The following MYH11 variants were observed in gnomAD, a reference collection of about 807,000 sequenced individuals.
MYH11 encodes myosin-11.
MYH11 carries 80 observed loss-of-function variants against 246.6 expected under a neutral mutation model. That is an observed-to-expected ratio of 0.32 (90% confidence interval 0.27 to 0.39). The LOEUF is 0.39. Among genes scored for constraint, MYH11 ranks in the 10% least tolerant of loss-of-function variants. MYH11 has a pLI of 1.00. For missense variants in MYH11, 2,158 were observed against 2,546.8 expected, an observed-to-expected ratio of 0.85 and a Z score of 3.29; for synonymous variants, 1,071 against 1,015.5, an observed-to-expected ratio of 1.05 and a Z score of -1.04.
At chr16:15,794,434 C>G (rs1183782174) in intron 4 of MYH11, among the ~76,000 whole-genome samples, 1 of 152,200 alleles carries the variant, frequency 6.6e-6, no homozygotes, top group African/African-American at 2.4e-5. Flanking sequence ...TCTGGGCTGA[C>G]TGGATGCATT....
chr16:15,771,588 G>A lies in MYH11; in HGVS notation c.1014C>T (p.Phe338=), dbSNP rs2042102465. The A allele has an allele frequency of 1.2e-6, 2 of 1,613,914 alleles. No homozygotes were observed. The highest frequency in any genetic ancestry group is 1.3e-5 in the African/African-American group (1 of 74,936). ...ETVEAMAIMG[F]SEEEQLSILK... ...GCTTACATAGCTGCTCCTCCTCGCT[G>A]AAACCCATGATTGCCATGGCCTCCA... The change falls in exon 9 of 41, where the codon TTC becomes TTT. Residue 338 remains phenylalanine, a synonymous_variant. Transcript: ENST00000300036.
rs2043211447 is a variant in MYH11, at chr16:15,814,411, G to A, written c.502+8844C>T. Among the ~76,000 whole-genome samples the A allele has an allele frequency of 2.0e-5, 3 of 151,618 alleles. No homozygotes were observed. In the South Asian group the frequency reaches 6.3e-4, roughly 32 times the overall value. ...CTATTTAAAATACAAAAATTAGCCG[G>A]GTGTGGTGGCGGATGCCTGTAATCC... On this transcript the variant is annotated intron_variant, in intron 3 of 40. Coordinates refer to ENST00000300036, the MANE Select transcript of MYH11 (RefSeq NM_002474.3).
chr16:15,725,865 C>T (rs2040727427), intron 28 of MYH11: 1 of 394,630 alleles, frequency 2.5e-6, no homozygotes, highest in Admixed American at 4.4e-5. Flanking sequence ...TTCACATTGC[C>T]CAGAGTAAGG....
At chr16:15,746,624 G>A (rs577101269) in intron 19 of MYH11, among the ~76,000 whole-genome samples, 2 of 152,202 alleles carry the variant, frequency 1.3e-5, no homozygotes, top group South Asian at 2.1e-4. Flanking sequence ...ACCTGTCCCT[G>A]CAGTCCCTGG....
intron 24 of MYH11, 135 bp downstream of exon 24, chr16:15,738,430 T>G: frequency 1.3e-6 from 1 of 785,316 alleles, no homozygotes; most frequent in Non-Finnish European, 2.0e-6. Context: ...GGAGGATCAC[T>G]GGAGCTTAGG....
rs2041235262 is a variant in MYH11, at chr16:15,740,245, G to A, written c.2860-57C>T. ...TGGTTATAACAGATTTACTCTCGTG[G>A]TGATCTGGGGACTAATGAATACAGG... is the stretch of plus-strand genomic sequence containing the variant. On this transcript the variant is annotated intron_variant, in intron 22 of 40. Coordinates refer to ENST00000300036, the MANE Select transcript of MYH11 (RefSeq NM_002474.3). 6 of 1,611,594 alleles carry A rather than the reference G, an allele frequency of 3.7e-6. No homozygotes were observed. The South Asian group carries it at 6.6e-5, about 18-fold the overall frequency.
chr16:15,763,741 T>TGGGGCCG, intron 10 of MYH11, 55 bp downstream of exon 10: 1 of 646,862 alleles, frequency 1.5e-6, no homozygotes, highest in Non-Finnish European at 2.9e-6. Context: ...AAATGTCACC[T>TGGGGCCG]CCCCCACCCC....
intron 6 of MYH11, among the ~76,000 whole-genome samples, chr16:15,782,072 G>A (rs1011462046): frequency 3.9e-5 from 6 of 152,144 alleles, no homozygotes; most frequent in Non-Finnish European, 5.9e-5. Context: ...ATAGAGATGG[G>A]ATCTCGCTTT....
rs914534374 is a variant in MYH11, at chr16:15,829,330, G to A, written c.346-5919C>T. ...TCTCCCAGTGCCGTGCACACAACAAGCACTTAATCCATACTTCCAGGTAGA... is the reference window on the plus strand; with the variant it reads ...TCTCCCAGTGCCGTGCACACAACAAACACTTAATCCATACTTCCAGGTAGA... On this transcript the variant is annotated intron_variant, in intron 2 of 40. Transcript: ENST00000300036. Among the ~76,000 whole-genome samples, 11 of 152,192 alleles carry A rather than the reference G, an allele frequency of 7.2e-5. No individual in the cohort carries two copies. The East Asian group carries it at 1.5e-3, about 21-fold the overall frequency.
intron 3 of MYH11, among the ~76,000 whole-genome samples, chr16:15,816,552 A>C (rs1263858866): frequency 1.3e-5 from 2 of 152,198 alleles, no homozygotes; most frequent in African/African-American, 4.8e-5. Context: ...ATAGCATTAC[A>C]TAGTCATAAT....
At position 15,763,898 on chromosome 16, in the gene MYH11, T is replaced by G; in HGVS notation, c.1034-7A>C. 6.2e-7 allele frequency: 1 copy of G among 1,610,694 alleles called. No homozygotes were observed. The highest frequency in any genetic ancestry group is 8.5e-7 in the Non-Finnish European group (1 of 1,177,254). ...GATACCACCTTCAATATGGCTGAGG[T>G]GGGGAGAGAAGGGCAGAGCAGACAC... On this transcript the variant is annotated splice_region_variant and splice_polypyrimidine_tract_variant and intron_variant, in intron 9 of 40. Transcript: ENST00000300036.
In MYH11 at chr16:15,703,313, A is replaced by T. The variant is rs2039285410; in HGVS notation, c.*678T>A. Reference sequence around the variant, plus strand: ...GTGGAAACCAGGAGAGGGGGAAAGAATTCTCAAAGGCCTGACGTGAGAAGT... The same window carrying T: ...GTGGAAACCAGGAGAGGGGGAAAGATTTCTCAAAGGCCTGACGTGAGAAGT... On this transcript the variant is annotated 3_prime_UTR_variant, in exon 41 of 41. Transcript: ENST00000300036. The T allele has an allele frequency of 1.3e-5, 3 of 228,932 alleles. No individual in the cohort carries two copies. In the Admixed American group the frequency reaches 1.6e-4, roughly 12 times the overall value. The allele number at this position is 228,932 out of a possible 1,614,324, so 14.2% of individuals were successfully genotyped here.
Position 15,837,605 on chromosome 16 carries a change from G to A in MYH11, c.345+303C>T, listed in dbSNP as rs527831999. On this transcript the variant is annotated intron_variant, in intron 2 of 40. Transcript: ENST00000300036. ...GGCTGGAGTGCAGTGGTACAGTCTT[G>A]GCTCACTGCACCTCCACCTCCTGGA... Among the ~76,000 whole-genome samples, 158 of 144,592 alleles carry A rather than the reference G, an allele frequency of 1.1e-3. 1 individual carries two copies. Among genetic ancestry groups the A allele is most frequent in the Non-Finnish European group, 1.6e-3 (109 of 66,858 alleles). The allele number at this position is 144,592 out of a possible 152,430, so 94.9% of individuals were successfully genotyped here.
chr16:15,792,860 C>T (rs2042646213), intron 4 of MYH11: 1 of 152,248 alleles, frequency 6.6e-6, no homozygotes, highest in African/African-American at 2.4e-5. Context: ...GCCTCATCCT[C>T]CTAAGTAGCT....
intron 33 of MYH11, 123 bp downstream of exon 33, chr16:15,720,714 CAG>C (rs2040421894): frequency 2.8e-6 from 3 of 1,084,816 alleles, no homozygotes; most frequent in South Asian, 1.3e-5. Flanking sequence ...GCCTGGGCGA[CAG>C]AGCGAGACTC....
chr16:15,752,724 C>T (rs539841256), intron 15 of MYH11, among the ~76,000 whole-genome samples: 9 of 152,278 alleles, frequency 5.9e-5, no homozygotes, highest in African/African-American at 2.2e-4. Context: ...ACTAAAAATA[C>T]AAAAATTAGC....
rs570915766 is a variant in MYH11 at position 15,751,426 on chromosome 16, G to A, written c.1865-1095C>T. Among the ~76,000 whole-genome samples, 792 of 151,758 alleles carry A rather than the reference G, an allele frequency of 5.2e-3. 6 individuals are homozygous for A. The highest frequency in any genetic ancestry group is 0.018 in the African/African-American group (764 of 41,390). On this transcript the variant is annotated intron_variant, in intron 15 of 40. Coordinates refer to ENST00000300036, the MANE Select transcript of MYH11 (RefSeq NM_002474.3). The stretch of plus-strand genomic sequence containing the variant: ...GATTCCCCTGCCTTGGCCTCCCAAT[G>A]TGCTGGGATTACAGGCGTGAGCTAC...
intron 3 of MYH11, among the ~76,000 whole-genome samples, chr16:15,815,072 C>T (rs140223722): frequency 5.6e-4 from 85 of 152,264 alleles, no homozygotes; most frequent in Middle Eastern, 6.8e-3. Flanking sequence ...GACTGAAAGA[C>T]GAAACAGAAG....
At chr16:15,775,440 GGTTTATGTGTTGCCTGAGCTCAC>G (rs2042199648) in intron 8 of MYH11, among the ~76,000 whole-genome samples, 1 of 112,464 alleles carries the variant, frequency 8.9e-6, no homozygotes, top group Non-Finnish European at 2.0e-5. Context: ...TGAGCTCACT[GGTTTATGTGTTGCCTGAGCTCAC>G]TGGTTTATGT....
Sources: allele counts gnomAD v4.1 joint callset (sites outside exome capture counted in the v4.1 genomes callset), GRCh38; gene constraint gnomAD v4.1.1; transcripts MANE v1.5; gene names NCBI Gene and HGNC (gene_info 2026-07-23, HGNC 2026-07-21).